Variants in SMARCC2 observed in about 807,000 individuals in gnomAD.
SMARCC2 encodes the protein SWI/SNF related BAF chromatin remodeling complex subunit C2.
SMARCC2 carries 15 observed loss-of-function variants against 151.3 expected under a neutral mutation model. The ratio of observed to expected loss-of-function variants is 0.10; its 90% CI spans 0.07 to 0.15. The LOEUF (loss-of-function observed/expected upper bound fraction) is 0.15, where lower values mean the gene tolerates loss of function less well. Among genes scored for constraint, SMARCC2 ranks in the 10% least tolerant of loss-of-function variants. SMARCC2 has a pLI of 1.00. For missense variants in SMARCC2, 1,031 were observed against 1,599.7 expected (o/e 0.64, Z 6.06); for synonymous variants, 590 against 609.5 (o/e 0.97, Z 0.47).
chr12:56,184,526 A>G, intron 5 of SMARCC2: 1 of 543,274 alleles, frequency 1.8e-6, no homozygotes, highest in Non-Finnish European at 3.3e-6. Flanking sequence ...AATGACATCT[A>G]TTCATTACTA....
rs749448880 is a variant in SMARCC2, at chr12:56,178,856, G to GA, written c.1142-10dup. Reference sequence around the variant, plus strand: ...TTCATCTTCCTGTTCATCTGAAAGAGAAAAACCAAGATGTAAGGCTGGAGC... The same window carrying GA: ...TTCATCTTCCTGTTCATCTGAAAGAGAAAAAACCAAGATGTAAGGCTGGAGC... On this transcript the variant is annotated splice_polypyrimidine_tract_variant and intron_variant, in intron 12 of 28. Transcript: ENST00000550164. 2.5e-6 allele frequency: 4 copies of GA among 1,614,054 alleles called. No homozygotes were observed. Among genetic ancestry groups the GA allele is most frequent in the South Asian group, 2.2e-5 (2 of 91,082 alleles).
At chr12:56,182,885 G>A (rs1422705928) in intron 7 of SMARCC2, among the ~76,000 whole-genome samples, 2 of 148,852 alleles carry the variant, frequency 1.3e-5, no homozygotes, top group African/African-American at 5.0e-5. Flanking sequence ...CCAGGTTGAA[G>A]TGCAGTGGTG....
chr12:56,178,776 A>ATAGAGATT, intron 13 of SMARCC2, 34 bp downstream of exon 13: 2 of 1,591,806 alleles, frequency 1.3e-6, no homozygotes, highest in Non-Finnish European at 1.7e-6. Context: ...TCAGAATCAC[A>ATAGAGATT]TAGAGAGGTA....
intron 5 of SMARCC2, 67 bp downstream of exon 5, chr12:56,184,777 T>C: frequency 1.1e-6 from 1 of 945,690 alleles, no homozygotes; most frequent in Non-Finnish European, 1.7e-6. Context: ...GGGCTGCTGC[T>C]TGGTATAGAA....
At position 56,172,694 on chromosome 12, in the gene SMARCC2, G is replaced by A; in HGVS notation, c.1754C>T (p.Ala585Val). 2 of 1,614,216 alleles carry A rather than the reference G, an allele frequency of 1.2e-6. No homozygotes were observed. The highest frequency in any genetic ancestry group is 1.3e-5 in the African/African-American group (1 of 75,064). The change falls in exon 19 of 29, where the codon GCT (alanine) becomes GTT (valine). Residue 585 changes from alanine to valine, a missense_variant. Physicochemically the swap from Ala to Val is moderately conservative, Grantham distance 64. This residue lies in a region of SMARCC2 where 99 missense variants were observed against 148.3 expected (regional missense o/e 0.67). Transcript: ENST00000550164. ...AGGAAAGTTGAGCATTTGTTGGGAAGCAGAGGTCTGCTATTTGTGGAGGGA... is the reference window on the plus strand; with the variant it reads ...AGGAAAGTTGAGCATTTGTTGGGAAACAGAGGTCTGCTATTTGTGGAGGGA... ...AKGKPELQTS[A>V]SQQMLNFPDK...
At chr12:56,185,297 G>C in intron 3 of SMARCC2, 186 bp from the exon 4 acceptor site, 1 of 563,866 alleles carries the variant, frequency 1.8e-6, no homozygotes, top group Non-Finnish European at 3.2e-6. Flanking sequence ...TCCTGTCTCA[G>C]CCTCCCCAGT....
Position 56,172,739 on chromosome 12 carries a change from G to A in SMARCC2, c.1744-35C>T, listed in dbSNP as rs377242749. On this transcript the variant is annotated intron_variant, in intron 18 of 28. Transcript: ENST00000550164. ...GAGGGAAAGAAACAGGTGAGTACAAGTGACCACCGGGAGCCAGGGGCTGAC... is the reference window on the plus strand; with the variant it reads ...GAGGGAAAGAAACAGGTGAGTACAAATGACCACCGGGAGCCAGGGGCTGAC... 10 of 1,611,798 alleles carry A rather than the reference G, an allele frequency of 6.2e-6. No homozygotes were observed. The African/African-American group carries it at 1.2e-4, about 19-fold the overall frequency.
rs749134774 is a variant in SMARCC2 at position 56,178,093 on chromosome 12, A to G, written c.1311T>C (p.Ser437=). 2 of 1,611,680 alleles carry G rather than the reference A, an allele frequency of 1.2e-6. No homozygotes were observed. The highest frequency in any genetic ancestry group is 2.2e-5 in the East Asian group (1 of 44,846). Residue 437 remains serine, a splice_region_variant and synonymous_variant, in exon 15 of 29, where the codon AGT becomes AGC. Transcript: ENST00000550164. The stretch of plus-strand genomic sequence containing the variant: ...GAGCCCTCCGCTCAATGGCATGAAC[A>G]CTGCAAGAAAAGCCAGAATGGTTTC... ...PSYAAWFDYN[S]VHAIERRALP... is the part of the protein sequence containing the mutation.
intron 22 of SMARCC2, among the ~76,000 whole-genome samples, chr12:56,170,792 G>C (rs1430788492): frequency 6.7e-6 from 1 of 148,552 alleles, no homozygotes; most frequent in African/African-American, 2.5e-5. Flanking sequence ...GAGTGCAGTG[G>C]CTTGATCTTG....
chr12:56,178,391 G>A lies in SMARCC2; in HGVS notation c.1310+13C>T, dbSNP rs1321861770. 1.2e-6 allele frequency: 2 copies of A among 1,614,070 alleles called. No homozygotes were observed. The highest frequency in any genetic ancestry group is 8.5e-7 in the Non-Finnish European group (1 of 1,179,882). ...GAAATAAGGACTCAGTGAGAAGTTG[G>A]GGACAACCATACCTATTGTAGTCAA... On this transcript the variant is annotated intron_variant, in intron 14 of 28. Coordinates refer to ENST00000550164, the MANE Select transcript of SMARCC2 (RefSeq NM_001330288.2).
chr12:56,174,559 CTG>C (rs1276453538), intron 16 of SMARCC2, 90 bp downstream of exon 16: 10 of 810,616 alleles, frequency 1.2e-5, no homozygotes, highest in African/African-American at 1.2e-4. Context: ...GTCTGCTCCT[CTG>C]TGTTCCTTGC....
chr12:56,181,152 T>A lies in SMARCC2; in HGVS notation c.957-51A>T, dbSNP rs371023026. 5 of 1,571,656 alleles carry A rather than the reference T, an allele frequency of 3.2e-6. No homozygotes were observed. The African/African-American group carries it at 6.8e-5, about 22-fold the overall frequency. ...AACCCAGTCATCCTTGGACAAGGAG[T>A]CCCTGGAAGTTGAAGTTCAAGGGAA... On this transcript the variant is annotated intron_variant, in intron 10 of 28. Transcript: ENST00000550164.
intron 26 of SMARCC2, among the ~76,000 whole-genome samples, chr12:56,167,618 C>G (rs1873053250): frequency 6.6e-6 from 1 of 152,146 alleles, no homozygotes; most frequent in Non-Finnish European, 1.5e-5. Context: ...TCTCTCTCAT[C>G]ATCCGTTACG....
intron 17 of SMARCC2, 99 bp from the exon 18 acceptor site, chr12:56,173,128 T>TG (rs1188631189): frequency 3.1e-6 from 3 of 966,244 alleles, no homozygotes; most frequent in Non-Finnish European, 4.9e-6. Flanking sequence ...CCACAAGCTC[T>TG]GGGGGCACTC....
Position 56,171,712 on chromosome 12 carries a change from G to C in SMARCC2, c.2152C>G (p.Arg718Gly). Residue 718 changes from arginine to glycine, a missense_variant, in exon 21 of 29, where the codon CGA becomes GGA. Physicochemically the swap from Arg to Gly is moderately radical, Grantham distance 125. Around this residue, in one of 12 missense-constraint regions of SMARCC2, gnomAD observed 51 missense variants for 137.9 expected, o/e 0.37. Transcript: ENST00000550164. The surrounding 1 kb of genome is among the most constrained non-coding windows in gnomAD (Gnocchi z 4.2). ...GACTTTGCAGCAGCAGAGGCGACTC[G>C]GGGATCGACGACAGAGGCCAGGAAG... The part of the protein sequence containing the change: ...VAFLASVVDP[R>G]VASAAAKSAL... 6.3e-7 allele frequency: 1 copy of C among 1,576,764 alleles called. No homozygotes were observed. The highest frequency in any genetic ancestry group is 8.6e-7 in the Non-Finnish European group (1 of 1,160,538).
intron 15 of SMARCC2, among the ~76,000 whole-genome samples, chr12:56,175,542 G>A (rs1874773459): frequency 6.6e-6 from 1 of 152,180 alleles, no homozygotes; most frequent in Non-Finnish European, 1.5e-5. Context: ...AAAATGGAAT[G>A]TCTGTTGAGA....
rs1874391881 is a variant in SMARCC2, at chr12:56,173,730, G to A, written c.1616C>T (p.Ser539Leu). 1.2e-6 allele frequency: 2 copies of A among 1,613,958 alleles called. No individual in the cohort carries two copies. The highest frequency in any genetic ancestry group is 1.1e-5 in the South Asian group (1 of 91,076). ...SHFHVLADTP[S>L]GLVPLQPKTP... ...CTTGGGCTGCAGAGGCACCAGCCCT[G>A]ATGGTGTGTCAGCCAAGACATGGAA... Residue 539 changes from serine to leucine, a missense_variant, in exon 17 of 29, where the codon TCA (serine) becomes TTA (leucine). Transcript: ENST00000550164.
chr12:56,170,318 G>A (rs991315911), intron 22 of SMARCC2, 110 bp from the exon 23 acceptor site: 35 of 941,154 alleles, frequency 3.7e-5, no homozygotes, highest in Admixed American at 1.8e-4. Flanking sequence ...TGCCCAGGTT[G>A]GTCTCAAACT....
At chr12:56,185,730 G>A (rs1253923872) in intron 3 of SMARCC2, 4 of 170,402 alleles carry the variant, frequency 2.3e-5, no homozygotes, top group Non-Finnish European at 3.8e-5. Flanking sequence ...CACCCACCTC[G>A]GCCTCCCAAA....
Sources: gnomAD v4.1 joint callset for allele counts (sites outside exome capture counted in the v4.1 genomes callset) on GRCh38, gnomAD v4.1.1 for gene constraint, gnomAD v4.1.1 regional missense constraint, Gnocchi (gnomAD v3.1) non-coding constraint, MANE v1.5 for transcripts, NCBI Gene and HGNC (gene_info 2026-07-23, HGNC 2026-07-21) for gene names.